HCRTR2: variants seen among roughly 807,000 people sequenced by gnomAD.
HCRTR2 encodes the protein orexin receptor type 2.
A neutral mutation model predicts 49.0 loss-of-function variants in HCRTR2; 22 were observed. The ratio of observed to expected loss-of-function variants is 0.45; its 90% CI spans 0.32 to 0.64. The LOEUF is 0.64. HCRTR2 is among the 30% of genes least tolerant of loss of function. HCRTR2 has a pLI of 0.04. For missense variants in HCRTR2, 491 were observed against 559.4 expected (o/e 0.88, Z 1.23); for synonymous variants, 236 against 205.3 (o/e 1.15, Z -1.28).
chr6:55,246,091 G>A (rs1212162423), intron 1 of HCRTR2, among the ~76,000 whole-genome samples: 1 of 151,970 alleles, frequency 6.6e-6, no homozygotes, highest in African/African-American at 2.4e-5. Context: ...GAGCACCAAA[G>A]ATTGCCTGAA....
intron 1 of HCRTR2, among the ~76,000 whole-genome samples, chr6:55,152,705 G>A (rs955298125): frequency 1.3e-4 from 19 of 151,872 alleles, no homozygotes; most frequent in Non-Finnish European, 2.2e-4. Flanking sequence ...AAGTCCCTTC[G>A]AAAAGTAAAA....
chr6:55,191,156 CT>C (rs1317394138), intron 1 of HCRTR2, among the ~76,000 whole-genome samples: 2 of 152,140 alleles, frequency 1.3e-5, no homozygotes, highest in African/African-American at 2.4e-5. Flanking sequence ...CTAGTAACAA[CT>C]TTGAAATTAT....
chr6:55,158,815 A>T (rs1481660765), intron 1 of HCRTR2, among the ~76,000 whole-genome samples: 1 of 152,210 alleles, frequency 6.6e-6, no homozygotes, highest in Admixed American at 6.5e-5. Flanking sequence ...TCAGGAGCTT[A>T]TAGATCAAAC....
In HCRTR2 at chr6:55,255,192, G is replaced by T; in HGVS notation, c.459G>T (p.Trp153Cys). Residue 153 changes from tryptophan to cysteine, a missense_variant, in exon 3 of 7, where the codon TGG becomes TGT. Transcript: ENST00000370862. ...TGAGCTGTATCGCCTTGGATCGGTG[G>T]TATGCAATCTGTCACCCTTTGATGT... ...LTLSCIALDRWYAICHPLMFK... is the reference protein window; with the variant it reads ...LTLSCIALDRCYAICHPLMFK... 6.2e-7 allele frequency: 1 copy of T among 1,613,928 alleles called. No individual in the cohort carries two copies. The highest frequency in any genetic ancestry group is 1.3e-5 in the African/African-American group (1 of 74,988).
At chr6:55,180,642 A>G (rs76895562) in intron 1 of HCRTR2, among the ~76,000 whole-genome samples, 2,486 of 152,296 alleles carry the variant, frequency 0.016, 69 homozygotes, top group African/African-American at 0.056. Flanking sequence ...TGAAAGTGCT[A>G]TTTTTAGACA....
chr6:55,266,494 A>AG (rs936865337), intron 4 of HCRTR2, among the ~76,000 whole-genome samples: 8 of 152,180 alleles, frequency 5.3e-5, no homozygotes, highest in African/African-American at 1.7e-4. Context: ...AATTTCTTGA[A>AG]GGGGAAAAAG....
At chr6:55,191,962 A>G (rs1370356605) in intron 1 of HCRTR2, among the ~76,000 whole-genome samples, 2 of 152,174 alleles carry the variant, frequency 1.3e-5, no homozygotes, top group Non-Finnish European at 2.9e-5. Flanking sequence ...CAAGATTTCT[A>G]AGATTTGAAA....
At chr6:55,146,681 C>T (rs1047178725) in intron 1 of HCRTR2, among the ~76,000 whole-genome samples, 1 of 151,432 alleles carries the variant, frequency 6.6e-6, no homozygotes, top group African/African-American at 2.4e-5. Context: ...CATTATTCTG[C>T]CTAGGGATTT....
intron 4 of HCRTR2, among the ~76,000 whole-genome samples, chr6:55,265,987 G>A (rs1428949357): frequency 2.0e-5 from 3 of 151,938 alleles, no homozygotes; most frequent in Non-Finnish European, 4.4e-5. Flanking sequence ...ACTAGAGACA[G>A]AAACTAAAAA....
At chr6:55,258,573 A>G (rs1766696333) in intron 3 of HCRTR2, among the ~76,000 whole-genome samples, 1 of 152,202 alleles carries the variant, frequency 6.6e-6, no homozygotes, top group Non-Finnish European at 1.5e-5. Context: ...TGGCAGACAC[A>G]CACAACACTC....
At chr6:55,133,201 C>T (rs186357996) in intron 1 of HCRTR2, among the ~76,000 whole-genome samples, 7 of 151,766 alleles carry the variant, frequency 4.6e-5, no homozygotes, top group African/African-American at 1.4e-4. Context: ...TTTTTTACCT[C>T]GGTACAGTCT....
chr6:55,114,924 G>C (rs1017759724), intron 1 of HCRTR2, among the ~76,000 whole-genome samples: 1 of 151,654 alleles, frequency 6.6e-6, no homozygotes, highest in Non-Finnish European at 1.5e-5. Context: ...GGAGAAGCAA[G>C]GTTTTCACTA....
At chr6:55,117,194 G>A (rs545358946) in intron 1 of HCRTR2, among the ~76,000 whole-genome samples, 1 of 151,906 alleles carries the variant, frequency 6.6e-6, no homozygotes, top group South Asian at 2.1e-4. Context: ...GTAAATGTGA[G>A]CAATACTTGA....
chr6:55,263,334 C>T (rs1226205651), intron 3 of HCRTR2, among the ~76,000 whole-genome samples: 2 of 151,946 alleles, frequency 1.3e-5, no homozygotes, highest in Non-Finnish European at 2.9e-5. Context: ...ATTCATGTCC[C>T]TTTTTGTAAA....
intron 1 of HCRTR2, among the ~76,000 whole-genome samples, chr6:55,179,143 T>C (rs1302180535): frequency 6.6e-6 from 1 of 152,178 alleles, no homozygotes; most frequent in Non-Finnish European, 1.5e-5. Context: ...AGTGGTAGAA[T>C]TGCAAGTTCA....
intron 1 of HCRTR2, among the ~76,000 whole-genome samples, chr6:55,132,955 A>C (rs1272461740): frequency 1.3e-5 from 2 of 151,784 alleles, no homozygotes; most frequent in African/African-American, 4.8e-5. Flanking sequence ...CAAAACCAAT[A>C]GAGGATAAAC....
At chr6:55,247,674 G>A (rs1164843235) in intron 1 of HCRTR2, among the ~76,000 whole-genome samples, 2 of 151,992 alleles carry the variant, frequency 1.3e-5, no homozygotes, top group East Asian at 1.9e-4. Flanking sequence ...ACGTCAGACC[G>A]AAGGAAGACA....
chr6:55,282,930 G>T, downstream of HCRTR2, among the ~76,000 whole-genome samples: 1 of 151,846 alleles, frequency 6.6e-6, no homozygotes, highest in East Asian at 1.9e-4. Context: ...GTTATAATGT[G>T]ATATCTGAGA....
chr6:55,200,645 C>T (rs1029471717), intron 1 of HCRTR2, among the ~76,000 whole-genome samples: 1 of 152,152 alleles, frequency 6.6e-6, no homozygotes, highest in African/African-American at 2.4e-5. Flanking sequence ...TCTTTTTACA[C>T]TGTCTTTAGT....
Sources: gnomAD v4.1 joint callset for allele counts (sites outside exome capture counted in the v4.1 genomes callset) on GRCh38, gnomAD v4.1.1 for gene constraint, MANE v1.5 for transcripts, NCBI Gene and HGNC (gene_info 2026-07-23, HGNC 2026-07-21) for gene names.